Variants in MRPS28 observed in about 807,000 individuals in gnomAD.
The protein encoded by MRPS28 is mitochondrial ribosomal protein S28, also known as small ribosomal subunit protein bS1m.
MRPS28 carries 7 observed loss-of-function variants against 10.8 expected under a neutral mutation model. That is an observed-to-expected ratio of 0.65 (90% CI 0.37 to 1.22). MRPS28 has a LOEUF of 1.22. Ranked by LOEUF, MRPS28 falls within the 50% of genes most tolerant of loss-of-function variation. MRPS28 has a pLI of 0.02. For missense variants in MRPS28, 265 were observed against 232.9 expected (o/e 1.14, Z -0.90); for synonymous variants, 121 against 93.3 (o/e 1.30, Z -1.71).
At chr8:79,932,297 G>C (rs1054987174) in intron 2 of MRPS28, among the ~76,000 whole-genome samples, 4 of 152,160 alleles carry the variant, frequency 2.6e-5, no homozygotes, top group Non-Finnish European at 5.9e-5. Context: ...ATGTTAGAGA[G>C]GACTAGGGAA....
intron 2 of MRPS28, among the ~76,000 whole-genome samples, chr8:79,985,491 G>C (rs1053335453): frequency 6.6e-6 from 1 of 152,084 alleles, no homozygotes. Context: ...CCAGGAGCTG[G>C]TTTTTTGAAA....
intron 2 of MRPS28, among the ~76,000 whole-genome samples, chr8:79,968,419 G>A (rs961403684): frequency 1.3e-5 from 2 of 152,004 alleles, no homozygotes; most frequent in Non-Finnish European, 2.9e-5. Flanking sequence ...TTAGAAATTT[G>A]TCTTTTTAAC....
chr8:79,975,922 T>C (rs1013218475), intron 2 of MRPS28, among the ~76,000 whole-genome samples: 13 of 152,180 alleles, frequency 8.5e-5, no homozygotes, highest in African/African-American at 3.1e-4. Context: ...AACAGGGAAT[T>C]AGTTAAAGAA....
Position 80,000,306 on chromosome 8 carries a change from A to G in MRPS28, c.395+2693T>C, listed in dbSNP as rs114591269. Among the ~76,000 whole-genome samples the G allele has an allele frequency of 8.6e-3, 1,310 of 152,352 alleles. 25 individuals are homozygous for G. The highest frequency in any genetic ancestry group is 0.03 in the African/African-American group (1,249 of 41,582). On this transcript the variant is annotated intron_variant, in intron 2 of 2. Transcript: ENST00000276585. Reference sequence around the variant, plus strand: ...GTATTTCTGGTAAGAGTAACTGGATATTAAGCAGGTGGTTTCATGGAAGCA... The same window carrying G: ...GTATTTCTGGTAAGAGTAACTGGATGTTAAGCAGGTGGTTTCATGGAAGCA...
At chr8:80,023,435 A>AT (rs1490122694) in intron 1 of MRPS28, among the ~76,000 whole-genome samples, 1 of 152,054 alleles carries the variant, frequency 6.6e-6, no homozygotes, top group African/African-American at 2.4e-5. Flanking sequence ...ATATATTTTT[A>AT]TTTTTCCAGT....
chr8:80,015,173 A>G (rs1809162295), intron 1 of MRPS28, among the ~76,000 whole-genome samples: 1 of 152,236 alleles, frequency 6.6e-6, no homozygotes, highest in East Asian at 1.9e-4. Flanking sequence ...CTTACAGTGA[A>G]TATAGGAGAA....
chr8:79,919,997 G>A (rs1327190838), intron 2 of MRPS28, among the ~76,000 whole-genome samples: 4 of 132,354 alleles, frequency 3.0e-5, no homozygotes, highest in East Asian at 4.4e-4. Context: ...GTGTCCATGT[G>A]TTCTCATTGT....
intron 1 of MRPS28, among the ~76,000 whole-genome samples, chr8:80,021,133 G>A (rs949388849): frequency 2.6e-5 from 4 of 151,790 alleles, no homozygotes; most frequent in Admixed American, 6.6e-5. Context: ...CTCCCGAGTA[G>A]CTGGGACTAC....
chr8:79,927,608 TAAGAGGATACCAAC>T (rs1218695974), intron 2 of MRPS28, among the ~76,000 whole-genome samples: 1 of 152,202 alleles, frequency 6.6e-6, no homozygotes, highest in Admixed American at 6.5e-5. Context: ...CTATATGAAG[TAAGAGGATACCAAC>T]AACAATTAGA....
chr8:79,933,571 A>G (rs1392824619), intron 2 of MRPS28, among the ~76,000 whole-genome samples: 1 of 152,220 alleles, frequency 6.6e-6, no homozygotes, highest in African/African-American at 2.4e-5. Flanking sequence ...TGTATTAGTC[A>G]CACATTATGT....
At chr8:79,919,896 C>T (rs537312448) in intron 2 of MRPS28, among the ~76,000 whole-genome samples, 3 of 151,528 alleles carry the variant, frequency 2.0e-5, no homozygotes, top group Admixed American at 6.6e-5. Context: ...GTGCTGCACC[C>T]ATTAACTCGT....
chr8:79,969,385 T>C (rs1432831505), intron 2 of MRPS28, among the ~76,000 whole-genome samples: 2 of 152,138 alleles, frequency 1.3e-5, no homozygotes, highest in African/African-American at 4.8e-5. Flanking sequence ...ATATTAAACA[T>C]AGCTCTGGGC....
chr8:80,026,421 C>T (rs1056712340), intron 1 of MRPS28, among the ~76,000 whole-genome samples: 1 of 152,192 alleles, frequency 6.6e-6, no homozygotes, highest in African/African-American at 2.4e-5. Context: ...CAAGACTGTA[C>T]TATTCTTGTA....
intron 2 of MRPS28, among the ~76,000 whole-genome samples, chr8:79,974,908 G>T (rs1229397685): frequency 2.6e-5 from 4 of 152,122 alleles, no homozygotes; most frequent in Non-Finnish European, 5.9e-5. Flanking sequence ...ATGAATATTA[G>T]TTCACAAATA....
intron 2 of MRPS28, among the ~76,000 whole-genome samples, chr8:79,986,042 A>C (rs1808157569): frequency 6.6e-6 from 1 of 152,202 alleles, no homozygotes; most frequent in African/African-American, 2.4e-5. Flanking sequence ...ATACTGGGAA[A>C]CTGAATCCAG....
intron 2 of MRPS28, among the ~76,000 whole-genome samples, chr8:79,978,277 T>C (rs913372407): frequency 6.6e-6 from 1 of 152,230 alleles, no homozygotes; most frequent in African/African-American, 2.4e-5. Context: ...GTTTTTTAAT[T>C]CTTTTACAAA....
intron 2 of MRPS28, among the ~76,000 whole-genome samples, chr8:79,991,754 C>T (rs550511083): frequency 6.6e-6 from 1 of 152,184 alleles, no homozygotes; most frequent in Non-Finnish European, 1.5e-5. Flanking sequence ...AATGCATACA[C>T]AAACTCTGTA....
chr8:79,919,307 T>G (rs1176008783), intron 2 of MRPS28, among the ~76,000 whole-genome samples, 159 bp from the exon 3 acceptor site: 1 of 151,856 alleles, frequency 6.6e-6, no homozygotes, highest in East Asian at 1.9e-4. Flanking sequence ...AAAAAGTAAT[T>G]TGATTGTATC....
chr8:79,975,528 G>A (rs1453555586), intron 2 of MRPS28, among the ~76,000 whole-genome samples: 1 of 151,922 alleles, frequency 6.6e-6, no homozygotes, highest in Non-Finnish European at 1.5e-5. Context: ...ACAACAAAGA[G>A]TATAAACTAA....
Sources: allele counts gnomAD v4.1 joint callset (sites outside exome capture counted in the v4.1 genomes callset), GRCh38; gene constraint gnomAD v4.1.1; transcripts MANE v1.5; gene names NCBI Gene and HGNC (gene_info 2026-07-23, HGNC 2026-07-21).